Variants in ZEB2 observed in about 807,000 individuals in gnomAD.
ZEB2 encodes zinc finger E-box binding homeobox 2.
A neutral mutation model predicts 99.9 loss-of-function variants in ZEB2; 6 were observed. The ratio of observed to expected loss-of-function variants is 0.06; its 90% CI spans 0.03 to 0.12. The LOEUF (loss-of-function observed/expected upper bound fraction) is 0.12. ZEB2 is among the 10% of genes least tolerant of loss of function. The pLI, the probability that ZEB2 is intolerant of heterozygous loss-of-function variation, is 1.00. For synonymous variants in ZEB2, 517 were observed against 542.5 expected (o/e 0.95, Z 0.65); for missense variants, 969 against 1,502.8 (o/e 0.64, Z 5.87).
chr2:144,480,726 TAAAAAAAA>T (rs765124109), intron 2 of ZEB2, among the ~76,000 whole-genome samples: 716 of 51,726 alleles, frequency 0.014, 8 homozygotes, highest in African/African-American at 0.037. Context: ...TACTAAAAGT[TAAAAAAAA>T]AAAAAAGAAA....
intron 2 of ZEB2, among the ~76,000 whole-genome samples, chr2:144,470,674 T>C (rs1704343111): frequency 6.6e-6 from 1 of 152,206 alleles, no homozygotes; most frequent in South Asian, 2.1e-4. Context: ...GTGCAGAATG[T>C]AGGTCACTAT....
rs1033261075 is a variant in ZEB2 at position 144,385,278 on chromosome 2, C to G, written c.*4173G>C. On this transcript the variant is annotated 3_prime_UTR_variant, in exon 10 of 10. Transcript: ENST00000627532. ...CTATTATATGATCAAGTGAGTGAAC[C>G]AATTAATCATTAGAAACAAATGTCA... 2 of 143,668 alleles carry G rather than the reference C, an allele frequency of 1.4e-5. No individual in the cohort carries two copies. The highest frequency in any genetic ancestry group is 6.0e-5 in the African/African-American group (2 of 33,544). 8.9% of individuals were successfully genotyped at this position (143,668 alleles called of 1,614,324 possible).
At chr2:144,404,170 A>C in intron 5 of ZEB2, 40 bp from the exon 6 acceptor site, 3 of 1,608,708 alleles carry the variant, frequency 1.9e-6, no homozygotes, top group Non-Finnish European at 2.5e-6. Flanking sequence ...GCGGGCCAAA[A>C]GGTCAGTAAA....
intron 2 of ZEB2, among the ~76,000 whole-genome samples, chr2:144,445,405 C>T (rs1008911523): frequency 1.3e-5 from 2 of 148,858 alleles, no homozygotes; most frequent in African/African-American, 5.0e-5. Context: ...AATGCTTTGA[C>T]TTGTTTGTTC....
At chr2:144,513,177 T>G in intron 2 of ZEB2, 1 of 1,286,610 alleles carries the variant, frequency 7.8e-7, no homozygotes, top group Non-Finnish European at 1.0e-6. Flanking sequence ...GGGAGCAACT[T>G]CTCCGTCCCT....
intron 3 of ZEB2, chr2:144,429,054 A>G (rs557957619): frequency 6.3e-4 from 96 of 152,378 alleles, no homozygotes; most frequent in African/African-American, 2.2e-3. Context: ...ATTCTCCGTC[A>G]TAAGTGAATT....
intron 1 of ZEB2, chr2:144,519,691 T>G (rs1251852158): frequency 6.6e-6 from 2 of 304,946 alleles, no homozygotes. Flanking sequence ...GGGAAATTAT[T>G]TGGGGGAGGG....
rs757485878 is a variant in ZEB2, at chr2:144,389,735, A to T, written c.3361T>A (p.Tyr1121Asn). 1 of 1,611,746 alleles carries T rather than the reference A, an allele frequency of 6.2e-7. No individual in the cohort carries two copies. The highest frequency in any genetic ancestry group is 2.2e-5 in the East Asian group (1 of 44,812). ...AYLQSITPQGYSDSEERESMP... is the reference protein window; with the variant it reads ...AYLQSITPQGNSDSEERESMP... Reference sequence around the variant, plus strand: ...CTCTCCCTCTCCTCCGAGTCAGAGTACCCCTGAGGGGTAATGCTCTGCAAG... The same window carrying T: ...CTCTCCCTCTCCTCCGAGTCAGAGTTCCCCTGAGGGGTAATGCTCTGCAAG... Residue 1121 changes from tyrosine (Y) to asparagine (N), a missense_variant, in exon 10 of 10, where the codon TAC becomes AAC. Coordinates refer to ENST00000627532, the MANE Select transcript of ZEB2 (RefSeq NM_014795.4). This position sits in a 1 kb window ranked among gnomAD's most constrained non-coding sequence, Gnocchi z 6.8.
At position 144,399,514 on chromosome 2, in the gene ZEB2, T is replaced by C. The variant is rs776792424; in HGVS notation, c.1673A>G (p.Lys558Arg). Residue 558 changes from lysine to arginine, a missense_variant, in exon 8 of 10, where the codon AAG (lysine) becomes AGG (arginine). Physicochemically the swap from Lys to Arg is conservative, Grantham distance 26. This residue lies in a region of ZEB2 where 227 missense variants were observed against 278.2 expected (regional missense o/e 0.82). Transcript: ENST00000627532. This position sits in a 1 kb window ranked among gnomAD's most constrained non-coding sequence, Gnocchi z 5.6. ...GACCAAATCTATTAAAGTACGTAGC[T>C]TCTCTTTCTTTATATTACTGATCTG... Reference protein sequence around the residue: ...RRQISNIKKEKLRTLIDLVTD... With the variant: ...RRQISNIKKERLRTLIDLVTD... 1.2e-6 allele frequency: 2 copies of C among 1,614,098 alleles called. No homozygotes were observed. Among genetic ancestry groups the C allele is most frequent in the African/African-American group, 2.7e-5 (2 of 74,930 alleles).
Position 144,389,191 on chromosome 2 carries a change from A to G in ZEB2, c.*260T>C. On this transcript the variant is annotated 3_prime_UTR_variant, in exon 10 of 10. Transcript: ENST00000627532. This position sits in a 1 kb window ranked among gnomAD's most constrained non-coding sequence, Gnocchi z 6.8. Reference sequence around the variant, plus strand: ...TAGTTGTGCTTAAAGTATAAATGCTATTAAACACAGGAATTAGTCTCTGAA... The same window carrying G: ...TAGTTGTGCTTAAAGTATAAATGCTGTTAAACACAGGAATTAGTCTCTGAA... The G allele has an allele frequency of 1.7e-6, 1 of 596,336 alleles. No homozygotes were observed. The highest frequency in any genetic ancestry group is 3.0e-6 in the Non-Finnish European group (1 of 338,026). 36.9% of individuals were successfully genotyped at this position (596,336 alleles called of 1,614,324 possible). A position where few individuals can be genotyped will look rare whatever the true frequency, so the allele number is the denominator to read the frequency against.
At chr2:144,503,775 T>A (rs914714954) in intron 2 of ZEB2, 1 of 152,212 alleles carries the variant, frequency 6.6e-6, no homozygotes, top group East Asian at 1.9e-4. Flanking sequence ...ATCTTAGACA[T>A]CTTAAGGTTT....
chr2:144,469,623 G>C (rs1351855848), intron 2 of ZEB2, among the ~76,000 whole-genome samples: 1 of 152,088 alleles, frequency 6.6e-6, no homozygotes, highest in African/African-American at 2.4e-5. Flanking sequence ...GGCTGCTTTA[G>C]TCCTTTGGGC....
At chr2:144,422,015 G>A (rs1466382410) in intron 4 of ZEB2, among the ~76,000 whole-genome samples, 1 of 152,172 alleles carries the variant, frequency 6.6e-6, no homozygotes, top group Non-Finnish European at 1.5e-5. Context: ...ATGCAGATCT[G>A]TAATTTTGAA....
At chr2:144,519,643 CA>C (rs1705233401) in intron 1 of ZEB2, 1 of 229,258 alleles carries the variant, frequency 4.4e-6, no homozygotes, top group Non-Finnish European at 8.8e-6. Flanking sequence ...GGCTGGATAG[CA>C]AAGGACACCT....
At chr2:144,416,825 C>A (rs548283551) in intron 4 of ZEB2, among the ~76,000 whole-genome samples, 4 of 152,276 alleles carry the variant, frequency 2.6e-5, no homozygotes, top group Middle Eastern at 3.4e-3. Flanking sequence ...CTTTAAGGCA[C>A]CTCTCTTGTC....
intron 2 of ZEB2, among the ~76,000 whole-genome samples, chr2:144,452,743 C>G (rs995784491): frequency 6.6e-6 from 1 of 152,090 alleles, no homozygotes; most frequent in Non-Finnish European, 1.5e-5. Context: ...GTCGCCATCT[C>G]GGTATTTAAT....
chr2:144,430,870 C>G (rs547524619), intron 2 of ZEB2: 1 of 152,302 alleles, frequency 6.6e-6, no homozygotes, highest in Admixed American at 6.5e-5. Context: ...AATTAGTCAG[C>G]CCTCACAGGC....
At chr2:144,519,729 A>G in intron 1 of ZEB2, 2 of 329,618 alleles carry the variant, frequency 6.1e-6, no homozygotes, top group Non-Finnish European at 1.2e-5. Flanking sequence ...AAGGAGAGAG[A>G]GTGTGAGTGT....
Position 144,404,955 on chromosome 2 carries a change from C to T in ZEB2, c.473G>A (p.Gly158Asp), listed in dbSNP as rs1703364974. 3.7e-6 allele frequency: 6 copies of T among 1,614,262 alleles called. No individual in the cohort carries two copies. Among genetic ancestry groups the T allele is most frequent in the Non-Finnish European group, 4.2e-6 (5 of 1,180,052 alleles). ...GTACTCCTCGATGCTGACTGCATGACCATCGCGTTCCTCCAGTTTTCTTTT... is the reference window on the plus strand; with the variant it reads ...GTACTCCTCGATGCTGACTGCATGATCATCGCGTTCCTCCAGTTTTCTTTT... The part of the protein sequence containing the change: ...FAKRKLEERD[G>D]HAVSIEEYLQ... The change falls in exon 5 of 10, where the codon GGT becomes GAT. Residue 158 changes from glycine (G) to aspartate (D), a missense_variant. Around this residue, in one of 8 missense-constraint regions of ZEB2, gnomAD observed 173 missense variants for 217.7 expected, o/e 0.79. Transcript: ENST00000627532.
Sources: allele counts gnomAD v4.1 joint callset (sites outside exome capture counted in the v4.1 genomes callset), GRCh38; gene constraint gnomAD v4.1.1; regional missense constraint gnomAD v4.1.1; non-coding constraint Gnocchi (gnomAD v3.1); transcripts MANE v1.5; gene names NCBI Gene and HGNC (gene_info 2026-07-23, HGNC 2026-07-21).